The following XPO7 variants were observed in gnomAD, a reference collection of about 807,000 sequenced individuals.
The protein encoded by XPO7 is exportin-7.
Under a neutral mutation model 144.3 loss-of-function variants are expected in XPO7, and 21 were observed. The observed-to-expected ratio is 0.15, with a 90% CI of 0.10 to 0.21. The LOEUF (loss-of-function observed/expected upper bound fraction) is 0.21. Ranked by LOEUF, XPO7 falls within the 10% of genes least tolerant of loss-of-function variation. The probability of loss-of-function intolerance (pLI) is 1.00; values close to 1 mark genes in which losing one functional copy is unlikely to be tolerated. For synonymous variants in XPO7, 580 were observed against 499.6 expected (o/e 1.16, Z -2.15); for missense variants, 808 against 1,325.8 (o/e 0.61, Z 6.06).
chr8:21,976,602 C>G, intron 7 of XPO7, 81 bp downstream of exon 7: 1 of 1,437,074 alleles, frequency 7.0e-7, no homozygotes, highest in South Asian at 1.4e-5. Context: ...GAACTCCTGG[C>G]AACTCCTGTG....
intron 1 of XPO7, among the ~76,000 whole-genome samples, chr8:21,941,133 C>CTT (rs34622488): frequency 0.36 from 51,997 of 145,256 alleles, 9,696 homozygotes; most frequent in Non-Finnish European, 0.42. Context: ...CTCCTATATG[C>CTT]TTTTTTTTTT....
intron 19 of XPO7, 22 bp from the exon 20 acceptor site, chr8:21,994,341 A>G: frequency 6.3e-7 from 1 of 1,599,984 alleles, no homozygotes; most frequent in African/African-American, 1.3e-5. Flanking sequence ...CTATTTTAAC[A>G]CATTTTTGCC....
At chr8:21,968,258 A>G (rs981026807) in intron 2 of XPO7, among the ~76,000 whole-genome samples, 3 of 152,248 alleles carry the variant, frequency 2.0e-5, no homozygotes, top group African/African-American at 4.8e-5. Context: ...GAAATGTGAA[A>G]AAATGAAAGT....
At chr8:21,929,662 T>G (rs565594076) in intron 1 of XPO7, among the ~76,000 whole-genome samples, 1 of 152,378 alleles carries the variant, frequency 6.6e-6, no homozygotes, top group Non-Finnish European at 1.5e-5. Flanking sequence ...TTTTAAAGTA[T>G]TATTTACCAT....
intron 1 of XPO7, among the ~76,000 whole-genome samples, chr8:21,943,042 G>A (rs1225197008): frequency 6.6e-6 from 1 of 152,190 alleles, no homozygotes; most frequent in Non-Finnish European, 1.5e-5. Flanking sequence ...TTGTGCAAAT[G>A]TCAGTACAGC....
At chr8:21,963,164 G>T (rs945755291) in intron 1 of XPO7, among the ~76,000 whole-genome samples, 1 of 152,150 alleles carries the variant, frequency 6.6e-6, no homozygotes, top group Non-Finnish European at 1.5e-5. Context: ...TCTCTGTGTT[G>T]TGCCTATATT....
intron 1 of XPO7, among the ~76,000 whole-genome samples, chr8:21,933,392 G>A (rs746744898): frequency 2.0e-5 from 3 of 151,866 alleles, no homozygotes; most frequent in East Asian, 1.9e-4. Context: ...GAGCCACTGC[G>A]CCCGGCCCCT....
Position 21,989,821 on chromosome 8 carries a change from C to CTTTTTTTTTTTTTTTTTTTTT in XPO7, c.1869-497_1869-477dup, listed in dbSNP as rs1170364778. ...AATAGGAGTTTGGTATAGGTGTTTC[C>CTTTTTTTTTTTTTTTTTTTTT]TTTTTTTTTTTTTTTTTTTTTTTTT... On this transcript the variant is annotated intron_variant, in intron 16 of 27. Transcript: ENST00000252512. Among the ~76,000 whole-genome samples, 176 of 59,714 alleles carry CTTTTTTTTTTTTTTTTTTTTT rather than the reference C, an allele frequency of 2.9e-3. 58 individuals carry two copies. The highest frequency in any genetic ancestry group is 5.1e-3 in the Non-Finnish European group (143 of 27,890). 39.2% of individuals were successfully genotyped at this position (59,714 alleles called of 152,430 possible).
intron 14 of XPO7, among the ~76,000 whole-genome samples, 163 bp downstream of exon 14, chr8:21,987,439 G>T (rs933113408): frequency 6.6e-6 from 1 of 152,190 alleles, no homozygotes; most frequent in Non-Finnish European, 1.5e-5. Context: ...AGTCATCAAA[G>T]AATTGGGCCC....
At position 21,988,977 on chromosome 8, in the gene XPO7, CT is replaced by C. The variant is rs745752139; in HGVS notation, c.1788-16del. 932 of 1,419,962 alleles carry C rather than the reference CT, an allele frequency of 6.6e-4. No homozygotes were observed. The highest frequency in any genetic ancestry group is 2.3e-3 in the Admixed American group (120 of 52,772). The allele number at this position is 1,419,962 out of a possible 1,614,324, so 88.0% of individuals were successfully genotyped here. ...ACCAGCAAATCAAAAGGGTCTCCTG[CT>C]TTTTTTTTTCTTTTTGTCCTCCAGC... On this transcript the variant is annotated intron_variant, in intron 15 of 27. Transcript: ENST00000252512.
At chr8:21,993,660 C>A (rs185933120) in intron 19 of XPO7, among the ~76,000 whole-genome samples, 58 of 152,236 alleles carry the variant, frequency 3.8e-4, no homozygotes, top group African/African-American at 1.3e-3. Context: ...AGCAACATGA[C>A]TGGGGGAAGT....
rs776492785 is a variant in XPO7 at position 22,005,751 on chromosome 8, C to T, written c.*663C>T. The T allele has an allele frequency of 2.0e-5, 3 of 152,250 alleles. No individual in the cohort carries two copies. The highest frequency in any genetic ancestry group is 4.4e-5 in the Non-Finnish European group (3 of 68,072). 9.4% of individuals were successfully genotyped at this position (152,250 alleles called of 1,614,324 possible). On this transcript the variant is annotated 3_prime_UTR_variant, in exon 28 of 28. Transcript: ENST00000252512. The stretch of plus-strand genomic sequence containing the variant: ...TGTTATTAGGAACTCTAAGCCATGC[C>T]AGAACACCGTCCCTCCCCTTGGACC...
At position 21,977,787 on chromosome 8, in the gene XPO7, A is replaced by G. The variant is rs1812275436; in HGVS notation, c.781A>G (p.Thr261Ala). The G allele has an allele frequency of 1.2e-6, 2 of 1,613,892 alleles. No individual in the cohort carries two copies. The highest frequency in any genetic ancestry group is 1.7e-6 in the Non-Finnish European group (2 of 1,179,846). Residue 261 changes from threonine (T) to alanine (A), a missense_variant, in exon 8 of 28, where the codon ACC becomes GCC. Physicochemically the swap from Thr to Ala is moderately conservative, Grantham distance 58. Transcript: ENST00000252512. ...SWRSAFLDSS[T>A]LQLFFDLYHS... ...TTCCCCAGCCTTCTTAGATTCTTCA[A>G]CCTTGCAGCTGTTTTTTGACCTGTA... is the stretch of plus-strand genomic sequence containing the variant.
At chr8:21,968,561 T>C (rs1811957783) in intron 2 of XPO7, among the ~76,000 whole-genome samples, 1 of 152,208 alleles carries the variant, frequency 6.6e-6, no homozygotes, top group Admixed American at 6.5e-5. Flanking sequence ...CAGCTAGCTC[T>C]GCCAGCTAAC....
At chr8:21,988,957 C>T (rs1400655239) in intron 15 of XPO7, 46 bp from the exon 16 acceptor site, 25 of 1,577,892 alleles carry the variant, frequency 1.6e-5, no homozygotes, top group Non-Finnish European at 2.2e-5. Context: ...AGGAAACCAG[C>T]AAATCAAAAG....
At chr8:21,969,924 A>G (rs527819447) in intron 3 of XPO7, 4 of 586,816 alleles carry the variant, frequency 6.8e-6, no homozygotes, top group Non-Finnish European at 1.1e-5. Context: ...CTATACTGCA[A>G]ATTCTTCATG....
chr8:21,932,214 T>C (rs1810675792), intron 1 of XPO7, among the ~76,000 whole-genome samples: 1 of 152,196 alleles, frequency 6.6e-6, no homozygotes, highest in Non-Finnish European at 1.5e-5. Flanking sequence ...CCTTATTTGC[T>C]GACTTGATTA....
At chr8:21,949,689 C>T (rs1182470004) in intron 1 of XPO7, among the ~76,000 whole-genome samples, 1 of 151,126 alleles carries the variant, frequency 6.6e-6, no homozygotes, top group Non-Finnish European at 1.5e-5. Flanking sequence ...TGCCAGGAGT[C>T]AGGTGAAGCT....
At chr8:22,000,031 C>A (rs1026811974) in intron 24 of XPO7, among the ~76,000 whole-genome samples, 2 of 152,168 alleles carry the variant, frequency 1.3e-5, no homozygotes, top group African/African-American at 2.4e-5. Context: ...CTACACAAGC[C>A]CTCAAGAATA....
Sources: allele counts gnomAD v4.1 joint callset (sites outside exome capture counted in the v4.1 genomes callset), GRCh38; gene constraint gnomAD v4.1.1; transcripts MANE v1.5; gene names NCBI Gene and HGNC (gene_info 2026-07-23, HGNC 2026-07-21).